TAFA2: variants seen among roughly 807,000 people sequenced by gnomAD.
TAFA2 encodes the protein chemokine-like protein TAFA-2.
In TAFA2, 7 loss-of-function variants were observed where a neutral mutation model predicts 18.8. That is an observed-to-expected ratio of 0.37 (90% CI 0.21 to 0.70). The LOEUF (loss-of-function observed/expected upper bound fraction) is 0.70. TAFA2 is among the 30% of genes least tolerant of loss of function. The pLI is 0.53. For synonymous variants in TAFA2, 60 were observed against 54.2 expected, an observed-to-expected ratio of 1.11 and a Z score of -0.47; for missense variants, 122 against 158.1, an observed-to-expected ratio of 0.77 and a Z score of 1.23.
At chr12:62,138,907 A>C (rs2136904591) in intron 1 of TAFA2, among the ~76,000 whole-genome samples, 1 of 152,358 alleles carries the variant, frequency 6.6e-6, no homozygotes, top group South Asian at 2.1e-4. Context: ...CTTTATCCTT[A>C]GTTAAATAAT....
chr12:61,918,164 A>G (rs59717951), intron 1 of TAFA2, among the ~76,000 whole-genome samples: 98 of 152,288 alleles, frequency 6.4e-4, no homozygotes, highest in African/African-American at 2.3e-3. Flanking sequence ...GTTTCAAACA[A>G]TCAAATCATA....
chr12:62,024,459 G>T (rs1881250441), intron 1 of TAFA2, among the ~76,000 whole-genome samples: 1 of 152,100 alleles, frequency 6.6e-6, no homozygotes, highest in East Asian at 1.9e-4. Context: ...GCTAGACAAA[G>T]TTAATGTCCC....
chr12:62,062,838 T>C (rs1450561583), intron 1 of TAFA2, among the ~76,000 whole-genome samples: 1 of 152,132 alleles, frequency 6.6e-6, no homozygotes, highest in Non-Finnish European at 1.5e-5. Context: ...GGCCCTAAGG[T>C]AAAGGCCTTT....
At chr12:61,880,551 G>A (rs1875080186) in intron 1 of TAFA2, 1 of 493,808 alleles carries the variant, frequency 2.0e-6, no homozygotes, top group Non-Finnish European at 4.1e-6. Context: ...CAGAACATGA[G>A]TATCTACTCA....
At chr12:61,865,129 A>G (rs937762627) in intron 2 of TAFA2, among the ~76,000 whole-genome samples, 84 of 152,092 alleles carry the variant, frequency 5.5e-4, no homozygotes, top group African/African-American at 2.0e-3. Flanking sequence ...GGAAAGAAAA[A>G]TCTTTTGCTC....
upstream of TAFA2, among the ~76,000 whole-genome samples, chr12:62,193,223 A>C (rs1008510543): frequency 3.2e-4 from 48 of 152,372 alleles, no homozygotes; most frequent in African/African-American, 1.0e-3. Flanking sequence ...ATGAATAATT[A>C]GTAAGAATGA....
chr12:61,860,896 T>C (rs1415159881), intron 2 of TAFA2, among the ~76,000 whole-genome samples: 1 of 152,204 alleles, frequency 6.6e-6, no homozygotes, highest in Admixed American at 6.5e-5. Context: ...TTAATGTTTT[T>C]CTCCTTCAAC....
chr12:62,008,692 T>C (rs1217014597), intron 1 of TAFA2, among the ~76,000 whole-genome samples: 1 of 152,196 alleles, frequency 6.6e-6, no homozygotes, highest in Admixed American at 6.5e-5. Context: ...TGGTAACATG[T>C]CCAAATATTC....
rs145521097 is a variant in TAFA2 at position 62,234,676 on chromosome 12, C to T, written c.-130+24087G>A. On this transcript the variant is annotated intron_variant, in intron 1 of 5. Coordinates refer to the TAFA2 transcript ENST00000551619. The stretch of plus-strand genomic sequence containing the variant: ...TAGGAGCGTTTGGTATAAGCTTTTC[C>T]GCAGTTCTCGTAGTTGCAGCAGTAA... 444 of 968,918 alleles carry T rather than the reference C, an allele frequency of 4.6e-4. 1 individual carries two copies. The African/African-American group carries it at 6.3e-3, about 14-fold the overall frequency. The allele number at this position is 968,918 out of a possible 1,614,324, so 60.0% of individuals were successfully genotyped here. A position where few individuals can be genotyped will look rare whatever the true frequency, so the allele number is the denominator to read the frequency against.
chr12:61,890,103 C>T (rs1397290497), intron 1 of TAFA2, among the ~76,000 whole-genome samples: 1 of 152,244 alleles, frequency 6.6e-6, no homozygotes, highest in Non-Finnish European at 1.5e-5. Context: ...ATGAGCATTA[C>T]ATTATTCATT....
At chr12:61,947,764 C>T (rs1320884450) in intron 1 of TAFA2, among the ~76,000 whole-genome samples, 1 of 152,146 alleles carries the variant, frequency 6.6e-6, no homozygotes, top group Non-Finnish European at 1.5e-5. Context: ...TACATCAATG[C>T]TTCATATGTC....
chr12:61,755,079 C>A (rs1869201759), intron 2 of TAFA2, 55 bp from the exon 3 acceptor site: 3 of 1,573,358 alleles, frequency 1.9e-6, no homozygotes, highest in South Asian at 2.3e-5. Flanking sequence ...CACTTCCCCC[C>A]ACCCTTCTTT....
chr12:61,778,358 A>T (rs1225013621), intron 2 of TAFA2, among the ~76,000 whole-genome samples: 2 of 151,710 alleles, frequency 1.3e-5, no homozygotes, highest in East Asian at 2.0e-4. Context: ...TTACTTCATT[A>T]TATCCATCTG....
chr12:62,081,435 CA>C (rs1868321769), intron 1 of TAFA2, among the ~76,000 whole-genome samples: 1 of 151,876 alleles, frequency 6.6e-6, no homozygotes, highest in Non-Finnish European at 1.5e-5. Context: ...AACCAAGAAG[CA>C]GATTCCAATT....
At chr12:61,779,243 T>A (rs1003161886) in intron 2 of TAFA2, among the ~76,000 whole-genome samples, 3 of 151,880 alleles carry the variant, frequency 2.0e-5, no homozygotes, top group Admixed American at 1.3e-4. Flanking sequence ...TGTGTGTGTG[T>A]GAGAGACAGA....
intron 2 of TAFA2, among the ~76,000 whole-genome samples, chr12:61,854,078 C>A (rs1873788194): frequency 6.6e-6 from 1 of 152,098 alleles, no homozygotes; most frequent in Non-Finnish European, 1.5e-5. Context: ...TCAGAGTAGA[C>A]AGTTTGGAAT....
chr12:61,813,100 C>G (rs1871940988), intron 2 of TAFA2, among the ~76,000 whole-genome samples: 2 of 151,280 alleles, frequency 1.3e-5, no homozygotes, highest in Admixed American at 1.3e-4. Flanking sequence ...TTGGCTAGAT[C>G]ATAATATATC....
chr12:62,247,585 A>G (rs1185774765), intron 1 of TAFA2, among the ~76,000 whole-genome samples: 1 of 152,224 alleles, frequency 6.6e-6, no homozygotes, highest in Non-Finnish European at 1.5e-5. Context: ...TTTCAACAGT[A>G]CCTTTGACTA....
chr12:62,108,303 C>G (rs1437975598), intron 1 of TAFA2, among the ~76,000 whole-genome samples: 1 of 152,188 alleles, frequency 6.6e-6, no homozygotes, highest in East Asian at 1.9e-4. Flanking sequence ...CATGTCCCTG[C>G]AAAGGACATG....
Sources: allele counts gnomAD v4.1 joint callset (sites outside exome capture counted in the v4.1 genomes callset), GRCh38; gene constraint gnomAD v4.1.1; transcripts MANE v1.5; gene names NCBI Gene and HGNC (gene_info 2026-07-23, HGNC 2026-07-21).